Variants in BNC2 observed in about 807,000 individuals in gnomAD.
The protein encoded by BNC2 is zinc finger protein basonuclin-2.
A neutral mutation model predicts 76.3 loss-of-function variants in BNC2; 20 were observed. That is an observed-to-expected ratio of 0.26 (90% CI 0.18 to 0.38). The LOEUF (loss-of-function observed/expected upper bound fraction) is 0.38. Among genes scored for constraint, BNC2 ranks in the 10% least tolerant of loss-of-function variants. The pLI, the probability that BNC2 is intolerant of heterozygous loss-of-function variation, is 1.00. For synonymous variants in BNC2, 582 were observed against 514.8 expected, an observed-to-expected ratio of 1.13 and a Z score of -1.77; for missense variants, 1,382 against 1,399.8, an observed-to-expected ratio of 0.99 and a Z score of 0.20.
intron 4 of BNC2, among the ~76,000 whole-genome samples, chr9:16,554,019 A>C (rs930729219): frequency 6.6e-6 from 1 of 152,218 alleles, no homozygotes; most frequent in Non-Finnish European, 1.5e-5. Flanking sequence ...TGGTCATCTA[A>C]CCTCATGAGT....
At chr9:16,569,490 A>T (rs1440220506) in intron 4 of BNC2, among the ~76,000 whole-genome samples, 1 of 152,128 alleles carries the variant, frequency 6.6e-6, no homozygotes, top group Non-Finnish European at 1.5e-5. Flanking sequence ...AATATTTCAA[A>T]CTGAATGGCA....
chr9:16,785,483 C>G (rs1586882423), intron 1 of BNC2, among the ~76,000 whole-genome samples: 2 of 151,848 alleles, frequency 1.3e-5, no homozygotes, highest in Non-Finnish European at 2.9e-5. Context: ...CAACCTCCAC[C>G]TCCCAGGTTC....
intron 3 of BNC2, among the ~76,000 whole-genome samples, chr9:16,696,666 A>C (rs1446839381): frequency 2.6e-5 from 4 of 152,198 alleles, no homozygotes; most frequent in East Asian, 3.9e-4. Flanking sequence ...GCAGATAGTC[A>C]ACAAATACAT....
chr9:16,758,828 C>G (rs1267126965), intron 1 of BNC2, among the ~76,000 whole-genome samples: 2 of 152,104 alleles, frequency 1.3e-5, no homozygotes, highest in Non-Finnish European at 2.9e-5. Context: ...ACAATATATC[C>G]ATCAATCTTA....
intron 5 of BNC2, among the ~76,000 whole-genome samples, chr9:16,528,429 T>C (rs867174303): frequency 6.6e-6 from 1 of 152,186 alleles, no homozygotes; most frequent in South Asian, 2.1e-4. Flanking sequence ...TTCAGGCTTT[T>C]CAGAACACTG....
chr9:16,447,489 C>T (rs982946402), intron 5 of BNC2, among the ~76,000 whole-genome samples: 7 of 152,030 alleles, frequency 4.6e-5, no homozygotes, highest in African/African-American at 9.7e-5. Context: ...GTGTAACCAA[C>T]GTATTTTTAG....
At chr9:16,709,256 T>C (rs960850520) in intron 3 of BNC2, among the ~76,000 whole-genome samples, 1 of 152,164 alleles carries the variant, frequency 6.6e-6, no homozygotes, top group African/African-American at 2.4e-5. Context: ...AAAGGCTTTC[T>C]CGGCCTGTGG....
chr9:16,697,683 T>C (rs1445418675), intron 3 of BNC2, among the ~76,000 whole-genome samples: 1 of 149,730 alleles, frequency 6.7e-6, no homozygotes, highest in Non-Finnish European at 1.5e-5. Context: ...AGATTGCCAC[T>C]GCACTCCAGC....
rs1820627702 is a variant in BNC2, at chr9:16,418,284, C to T, written c.*705G>A. On this transcript the variant is annotated 3_prime_UTR_variant, in exon 7 of 7. Coordinates refer to ENST00000380672, the MANE Select transcript of BNC2 (RefSeq NM_017637.6). ...ATCTAACAGGTAGTAAAAACAAGAC[C>T]ATGTTTTTTTCTTTTTTTAAAAATG... 6.6e-6 allele frequency: 1 copy of T among 152,572 alleles called. No homozygotes were observed. The highest frequency in any genetic ancestry group is 6.5e-5 in the Admixed American group (1 of 15,280). 9.5% of individuals were successfully genotyped at this position (152,572 alleles called of 1,614,324 possible).
intron 3 of BNC2, among the ~76,000 whole-genome samples, chr9:16,675,608 C>T (rs760401270): frequency 7.2e-5 from 11 of 152,118 alleles, no homozygotes; most frequent in Non-Finnish European, 1.5e-4. Flanking sequence ...CTATATAATA[C>T]TTGTTAAACT....
chr9:16,641,851 CT>C, intron 3 of BNC2, among the ~76,000 whole-genome samples: 1 of 152,134 alleles, frequency 6.6e-6, no homozygotes, highest in East Asian at 1.9e-4. Context: ...TGAGAATTCC[CT>C]TTTTTTGGAA....
intron 3 of BNC2, among the ~76,000 whole-genome samples, chr9:16,715,620 A>C (rs978295991): frequency 2.0e-5 from 3 of 152,222 alleles, no homozygotes; most frequent in African/African-American, 7.2e-5. Flanking sequence ...TTTTTGGCTC[A>C]TCATTATAAA....
chr9:16,833,328 C>G (rs967022134), intron 1 of BNC2, among the ~76,000 whole-genome samples: 4 of 152,120 alleles, frequency 2.6e-5, no homozygotes, highest in African/African-American at 9.7e-5. Context: ...TCCCTGTAAG[C>G]ATTTTACCAG....
rs546861243 is a variant in BNC2 at position 16,776,383 on chromosome 9, G to A, written c.4-37898C>T. On this transcript the variant is annotated intron_variant, in intron 1 of 6. Coordinates refer to ENST00000380672, the MANE Select transcript of BNC2 (RefSeq NM_017637.6). ...TCGAACCTCTGAGCTCAGGCAAGCT[G>A]CCCACCTCAGCCTCCAAAAGTGCTA... Among the ~76,000 whole-genome samples the A allele has an allele frequency of 4.6e-5, 7 of 152,162 alleles. No homozygotes were observed. In the East Asian group the frequency reaches 9.7e-4, roughly 21 times the overall value.
At chr9:16,433,911 G>A (rs959456240) in intron 6 of BNC2, among the ~76,000 whole-genome samples, 5 of 152,002 alleles carry the variant, frequency 3.3e-5, no homozygotes, top group Non-Finnish European at 7.4e-5. Context: ...CATTAACCTC[G>A]TTATTAGTAG....
At chr9:16,696,672 T>C (rs1391625730) in intron 3 of BNC2, among the ~76,000 whole-genome samples, 2 of 152,170 alleles carry the variant, frequency 1.3e-5, no homozygotes, top group African/African-American at 2.4e-5. Flanking sequence ...AGTCAACAAA[T>C]ACATACTGAA....
rs112496248 is a variant in BNC2, at chr9:16,409,925, C to CAAAA, written c.*9060_*9063dup. ...TTTATGCAGATGAGAACAATATAAA[C>CAAAA]AAAAAAAAGGAATAAACAGCTAAAC... On this transcript the variant is annotated 3_prime_UTR_variant, in exon 7 of 7. Transcript: ENST00000380672. 7,971 of 151,686 alleles carry CAAAA rather than the reference C, an allele frequency of 0.053. 219 individuals are homozygous for CAAAA. The highest frequency in any genetic ancestry group is 0.095 in the Middle Eastern group (28 of 294). The allele number at this position is 151,686 out of a possible 1,614,324, so 9.4% of individuals were successfully genotyped here. A position where few individuals can be genotyped will look rare whatever the true frequency, so the allele number is the denominator to read the frequency against.
At chr9:16,470,349 GCTGA>G (rs1033440862) in intron 5 of BNC2, among the ~76,000 whole-genome samples, 3 of 152,262 alleles carry the variant, frequency 2.0e-5, no homozygotes, top group African/African-American at 7.2e-5. Flanking sequence ...AAATTTGCAG[GCTGA>G]CTATGTGATA....
intron 3 of BNC2, among the ~76,000 whole-genome samples, chr9:16,602,401 T>C (rs1202241629): frequency 6.6e-6 from 1 of 152,228 alleles, no homozygotes; most frequent in East Asian, 1.9e-4. Flanking sequence ...AAATACTTTC[T>C]AATGACATGG....
Sources: allele counts gnomAD v4.1 joint callset (sites outside exome capture counted in the v4.1 genomes callset), GRCh38; gene constraint gnomAD v4.1.1; transcripts MANE v1.5; gene names NCBI Gene and HGNC (gene_info 2026-07-23, HGNC 2026-07-21).